FLNB: variants seen among roughly 807,000 people sequenced by gnomAD.
FLNB encodes the protein filamin B, also known as filamin-B.
FLNB carries 111 observed loss-of-function variants against 250.6 expected under a neutral mutation model. The ratio of observed to expected loss-of-function variants is 0.44; its 90% CI spans 0.38 to 0.52. The LOEUF (loss-of-function observed/expected upper bound fraction) is 0.52. Ranked by LOEUF, FLNB falls within the 20% of genes least tolerant of loss-of-function variation. The probability of loss-of-function intolerance (pLI) is 0.00; values close to 1 mark genes in which losing one functional copy is unlikely to be tolerated. For synonymous variants in FLNB, 1,302 were observed against 1,372.1 expected (o/e 0.95, Z 1.13); for missense variants, 2,869 against 3,447.8 (o/e 0.83, Z 4.20).
chr3:58,133,016 C>T (rs1046817991), intron 26 of FLNB, 85 bp downstream of exon 26: 5 of 1,468,324 alleles, frequency 3.4e-6, no homozygotes, highest in Middle Eastern at 1.8e-4. Context: ...TCCACCCATC[C>T]GTTCCTCCAT....
chr3:58,098,475 C>T lies in FLNB; in HGVS notation c.1148-236C>T, dbSNP rs1371192492. Reference sequence around the variant, plus strand: ...CCTCTCAAGTAGCTGGGATTACAGGCGTGCGCCACCATGCTTGGCTAATTT... The same window carrying T: ...CCTCTCAAGTAGCTGGGATTACAGGTGTGCGCCACCATGCTTGGCTAATTT... On this transcript the variant is annotated intron_variant, in intron 7 of 45. Coordinates refer to ENST00000295956, the MANE Select transcript of FLNB (RefSeq NM_001457.4). Among the ~76,000 whole-genome samples the T allele has an allele frequency of 5.3e-5, 8 of 152,274 alleles. No individual in the cohort carries two copies. The South Asian group carries it at 8.3e-4, about 16-fold the overall frequency.
intron 20 of FLNB, 53 bp downstream of exon 20, chr3:58,121,556 C>T (rs1482304950): frequency 3.4e-5 from 55 of 1,602,150 alleles, no homozygotes; most frequent in Non-Finnish European, 4.5e-5. Flanking sequence ...AAACATGACA[C>T]CATAGTCCTT....
At chr3:58,118,071 C>T (rs2097281964) in intron 18 of FLNB, among the ~76,000 whole-genome samples, 2 of 152,150 alleles carry the variant, frequency 1.3e-5, no homozygotes, top group South Asian at 4.1e-4. Flanking sequence ...GGGAACTTGG[C>T]CAACCATGGA....
At chr3:58,087,068 G>A (rs774260617) in intron 4 of FLNB, among the ~76,000 whole-genome samples, 37 of 151,928 alleles carry the variant, frequency 2.4e-4, no homozygotes, top group Non-Finnish European at 1.6e-4. Context: ...CCGAGATGGC[G>A]CCACTGCACT....
chr3:58,116,567 G>C (rs1199291083), intron 18 of FLNB, among the ~76,000 whole-genome samples: 1 of 152,216 alleles, frequency 6.6e-6, no homozygotes, highest in Admixed American at 6.5e-5. Context: ...GGGTGGATGA[G>C]TGATGTGGAT....
At chr3:58,154,741 C>G in intron 39 of FLNB, 50 bp from the exon 40 acceptor site, 1 of 1,604,336 alleles carries the variant, frequency 6.2e-7, no homozygotes, top group Admixed American at 1.7e-5. Flanking sequence ...GGAAGAGGGA[C>G]AGGGGCTCTG....
At chr3:58,048,250 G>A (rs4681780) in intron 1 of FLNB, among the ~76,000 whole-genome samples, 16 of 151,888 alleles carry the variant, frequency 1.1e-4, no homozygotes, top group Non-Finnish European at 4.4e-5. Flanking sequence ...TTTCGTGACC[G>A]TGTCATTTTT....
At chr3:58,109,076 T>A in intron 13 of FLNB, 103 bp from the exon 14 acceptor site, 1 of 1,402,224 alleles carries the variant, frequency 7.1e-7, no homozygotes, top group East Asian at 2.3e-5. Context: ...AGTTTTGTTG[T>A]ATAAGCAAGT....
At chr3:58,024,593 C>T (rs182963622) in intron 1 of FLNB, among the ~76,000 whole-genome samples, 5 of 152,144 alleles carry the variant, frequency 3.3e-5, no homozygotes, top group Admixed American at 3.3e-4. Flanking sequence ...CGCCTCCTAC[C>T]TAACAGACTC....
chr3:58,043,136 C>T (rs2106808188), intron 1 of FLNB, among the ~76,000 whole-genome samples: 1 of 142,278 alleles, frequency 7.0e-6, no homozygotes, highest in Admixed American at 7.1e-5. Context: ...GGTAATTTGG[C>T]ATTCCTTTTT....
At chr3:58,010,843 G>A (rs900621375) in intron 1 of FLNB, among the ~76,000 whole-genome samples, 33 of 152,134 alleles carry the variant, frequency 2.2e-4, no homozygotes, top group Non-Finnish European at 4.1e-4. Flanking sequence ...ATCAGTGCCC[G>A]GGGCTGTGGG....
Position 58,130,795 on chromosome 3 carries a change from T to C in FLNB, c.4277T>C (p.Ile1426Thr), listed in dbSNP as rs1013214687. ...GTTGTGGACCCCAGCAAGGTCAAGA[T>C]TGCCGGCCCCGGGCTGGGCTCAGGC... ...KDVVDPSKVK[I>T]AGPGLGSGVR... is the part of the protein sequence containing the mutation. The change falls in exon 25 of 46, where the codon ATT becomes ACT. Residue 1426 changes from isoleucine (I) to threonine (T), a missense_variant. Coordinates refer to ENST00000295956, the MANE Select transcript of FLNB (RefSeq NM_001457.4). 6.2e-7 allele frequency: 1 copy of C among 1,613,844 alleles called. No homozygotes were observed. Among genetic ancestry groups the C allele is most frequent in the Non-Finnish European group, 8.5e-7 (1 of 1,179,968 alleles).
rs762025870 is a variant in FLNB, at chr3:58,123,128, C to T, written c.3162C>T (p.Leu1054=). The stretch of plus-strand genomic sequence containing the variant: ...ACGGTCCCGGCCTCGAAGGTGGTCT[C>T]GTGGGCAAGCCTGCCGAGTTCACCA... ...KAHGPGLEGG[L]VGKPAEFTID... Residue 1054 remains leucine, a synonymous_variant, in exon 21 of 46, where the codon CTC becomes CTT. Transcript: ENST00000295956. 49 of 1,614,056 alleles carry T rather than the reference C, an allele frequency of 3.0e-5. No homozygotes were observed. Among genetic ancestry groups the T allele is most frequent in the Middle Eastern group, 3.3e-4 (2 of 6,084 alleles).
intron 24 of FLNB, 128 bp from the exon 25 acceptor site, chr3:58,130,613 G>A (rs2097305717): frequency 1.2e-6 from 1 of 821,962 alleles, no homozygotes; most frequent in Non-Finnish European, 2.0e-6. Flanking sequence ...TGCACACAGT[G>A]AGGCAGGGGG....
rs765211756 is a variant in FLNB, at chr3:58,077,110, C to T, written c.357C>T (p.Leu119=). The T allele has an allele frequency of 6.2e-7, 1 of 1,614,138 alleles. No individual in the cohort carries two copies. Residue 119 remains leucine (L), a synonymous_variant, in exon 2 of 46, where the codon CTC becomes CTT. Transcript: ENST00000295956. ...LILGLVWTLI[L]HYSISMPVWE... ...TGGGTCTGGTGTGGACGCTGATCCT[C>T]CACTACTCCATCTCCATGCCCGTGT... is the stretch of plus-strand genomic sequence containing the variant.
intron 1 of FLNB, among the ~76,000 whole-genome samples, chr3:58,009,602 T>TA (rs1259475572): frequency 1.3e-5 from 2 of 152,180 alleles, no homozygotes; most frequent in African/African-American, 4.8e-5. Context: ...ACCGTCAGCC[T>TA]TCTAAGTTAT....
chr3:58,025,484 G>A (rs2097122298), intron 1 of FLNB, among the ~76,000 whole-genome samples: 1 of 151,938 alleles, frequency 6.6e-6, no homozygotes, highest in Non-Finnish European at 1.5e-5. Context: ...CCACCCTCTT[G>A]GAAAGATGCT....
At chr3:58,148,161 G>C (rs756319455) in intron 34 of FLNB, 45 bp from the exon 35 acceptor site, 1 of 1,606,716 alleles carries the variant, frequency 6.2e-7, no homozygotes, top group African/African-American at 1.3e-5. Flanking sequence ...GTGAAGCCAG[G>C]GTAACCACAT....
At chr3:58,157,048 C>A (rs1006428869) in intron 41 of FLNB, among the ~76,000 whole-genome samples, 1 of 152,166 alleles carries the variant, frequency 6.6e-6, no homozygotes, top group Non-Finnish European at 1.5e-5. Context: ...GATGTTGTGG[C>A]ACACGGTTGC....
Sources: gnomAD v4.1 joint callset for allele counts (sites outside exome capture counted in the v4.1 genomes callset) on GRCh38, gnomAD v4.1.1 for gene constraint, MANE v1.5 for transcripts, NCBI Gene and HGNC (gene_info 2026-07-23, HGNC 2026-07-21) for gene names.